AGL: variants seen among roughly 807,000 people sequenced by gnomAD.
AGL encodes the protein glycogen debranching enzyme.
Under a neutral mutation model 199.3 loss-of-function variants are expected in AGL, and 128 were observed. The ratio of observed to expected loss-of-function variants is 0.64; its 90% CI spans 0.56 to 0.74. The LOEUF (loss-of-function observed/expected upper bound fraction) is 0.74, where lower values mean the gene tolerates loss of function less well. Among genes scored for constraint, AGL ranks in the 30% least tolerant of loss-of-function variants. AGL has a pLI of 0.00. For missense variants in AGL, 1,809 were observed against 1,820.8 expected (o/e 0.99, Z 0.12); for synonymous variants, 584 against 594.7 (o/e 0.98, Z 0.26).
rs1434730821 is a variant in AGL, at chr1:99,877,833, A to G, written c.1611+5A>G. On this transcript the variant is annotated splice_donor_5th_base_variant and intron_variant, in intron 12 of 33. Transcript: ENST00000361915. ...ACACCTCTTCACGTAGCTGAGGTAC[A>G]GAAAAACAATTTATCTACATTAAGA... is the stretch of plus-strand genomic sequence containing the variant. 5.6e-6 allele frequency: 9 copies of G among 1,613,548 alleles called. No homozygotes were observed. Among genetic ancestry groups the G allele is most frequent in the Non-Finnish European group, 6.8e-6 (8 of 1,179,538 alleles).
At chr1:99,889,814 A>G (rs1652741167) in intron 21 of AGL, among the ~76,000 whole-genome samples, 1 of 152,086 alleles carries the variant, frequency 6.6e-6, no homozygotes, top group Non-Finnish European at 1.5e-5. Flanking sequence ...TCTTTTCTAA[A>G]TAGAATTGCC....
At position 99,880,716 on chromosome 1, in the gene AGL, C is replaced by A. The variant is rs770242284; in HGVS notation, c.1820C>A (p.Pro607His). 2 of 1,613,846 alleles carry A rather than the reference C, an allele frequency of 1.2e-6. No individual in the cohort carries two copies. Among genetic ancestry groups the A allele is most frequent in the Non-Finnish European group, 1.7e-6 (2 of 1,179,902 alleles). The stretch of plus-strand genomic sequence containing the variant: ...GAACCTGTTGGATCCTTTGTTCAGC[C>A]CTGTTTGAGGCCTTTAATGCCAGCT... The part of the protein sequence containing the change: ...GGEPVGSFVQ[P>H]CLRPLMPAIA... Residue 607 changes from proline (P) to histidine (H), a missense_variant, in exon 14 of 34, where the codon CCC becomes CAC. Coordinates refer to ENST00000361915, the MANE Select transcript of AGL (RefSeq NM_000642.3).
intron 2 of AGL, chr1:99,852,646 G>T: frequency 1.3e-6 from 1 of 766,466 alleles, no homozygotes. Flanking sequence ...AAAGTACTGG[G>T]ATTACAAGCA....
intron 7 of AGL, among the ~76,000 whole-genome samples, chr1:99,874,242 A>G (rs1651283128): frequency 1.9e-5 from 2 of 104,428 alleles, no homozygotes; most frequent in African/African-American, 8.9e-5. Flanking sequence ...GTTCCACTAA[A>G]GTCCTTAAAG....
At position 99,912,428 on chromosome 1, in the gene AGL, T is replaced by A. The variant is rs1403995325; in HGVS notation, c.3860T>A (p.Val1287Glu). 1 of 1,614,052 alleles carries A rather than the reference T, an allele frequency of 6.2e-7. No homozygotes were observed. The highest frequency in any genetic ancestry group is 8.5e-7 in the Non-Finnish European group (1 of 1,179,958). ...AGAGATGGGTCTGCTGTGGAAATTG[T>A]GGGCCTGAGTAAATCTGCTGTTCGC... ...TPRDGSAVEI[V>E]GLSKSAVRWL... The change falls in exon 29 of 34, where the codon GTG becomes GAG. Residue 1287 changes from valine to glutamate, a missense_variant. Physicochemically the swap from Val to Glu is moderately radical, Grantham distance 121. Transcript: ENST00000361915.
chr1:99,852,818 G>A (rs557174794), intron 2 of AGL: 1 of 745,184 alleles, frequency 1.3e-6, no homozygotes, highest in Admixed American at 1.8e-5. Flanking sequence ...GCATTGATAT[G>A]AATCACTCCA....
rs1557789904 is a variant in AGL, at chr1:99,912,506, T to G, written c.3938T>G (p.Val1313Gly). Residue 1313 changes from valine to glycine, a missense_variant, in exon 29 of 34, where the codon GTA becomes GGA. By Grantham distance (109) the Val-to-Gly change is moderately radical. Coordinates refer to ENST00000361915, the MANE Select transcript of AGL (RefSeq NM_000642.3). ...ATTTTCCCTTATCATGAAGTCACAG[T>G]AAAAAGACATGGTAAGCTGGTTATT... is the stretch of plus-strand genomic sequence containing the variant. The part of the protein sequence containing the change: ...KNIFPYHEVT[V>G]KRHGKAIKVS... 6 of 1,608,770 alleles carry G rather than the reference T, an allele frequency of 3.7e-6. No individual in the cohort carries two copies. The highest frequency in any genetic ancestry group is 5.1e-6 in the Non-Finnish European group (6 of 1,175,364).
chr1:99,916,164 C>G (rs537640300), intron 31 of AGL, among the ~76,000 whole-genome samples: 1 of 152,188 alleles, frequency 6.6e-6, no homozygotes, highest in South Asian at 2.1e-4. Context: ...AGGCAAGATA[C>G]CAGAATATTT....
At chr1:99,863,775 G>A (rs997513453) in intron 4 of AGL, among the ~76,000 whole-genome samples, 42 of 123,814 alleles carry the variant, frequency 3.4e-4, no homozygotes, top group Non-Finnish European at 5.0e-4. Flanking sequence ...TTTTAAGACA[G>A]TGTCTCTGTC....
chr1:99,912,829 G>T, intron 29 of AGL, among the ~76,000 whole-genome samples: 1 of 152,140 alleles, frequency 6.6e-6, no homozygotes, highest in East Asian at 1.9e-4. Context: ...TTCTAGAATA[G>T]TGCTGTCCAA....
chr1:99,860,999 C>T (rs977203618), intron 2 of AGL, among the ~76,000 whole-genome samples: 6 of 152,216 alleles, frequency 3.9e-5, no homozygotes, highest in African/African-American at 7.2e-5. Context: ...AGGTTGACTT[C>T]TGTCAGTGAA....
In AGL at chr1:99,900,827, C is replaced by T; in HGVS notation, c.3554C>T (p.Thr1185Ile). 1.2e-6 allele frequency: 2 copies of T among 1,612,820 alleles called. No individual in the cohort carries two copies. Among genetic ancestry groups the T allele is most frequent in the Non-Finnish European group, 8.5e-7 (1 of 1,179,380 alleles). ...TGCCCAGTTTCCAGAATGTATCCTA[C>T]AGATGATTCTGCTCCTTTGCCTGCT... ...LKCPVSRMYP[T>I]DDSAPLPAGT... Residue 1185 changes from threonine to isoleucine, a missense_variant, in exon 26 of 34, where the codon ACA (threonine) becomes ATA (isoleucine). Transcript: ENST00000361915.
rs1655653731 is a variant in AGL, at chr1:99,923,517, T to C, written c.*1866T>C. On this transcript the variant is annotated 3_prime_UTR_variant, in exon 34 of 34. Coordinates refer to ENST00000361915, the MANE Select transcript of AGL (RefSeq NM_000642.3). ...TAAGGCAGATACCCACGTTGGTAAA[T>C]TTTTAGGATATTGTGTTGCACTAGA... 1 of 152,142 alleles carries C rather than the reference T, an allele frequency of 6.6e-6. No individual in the cohort carries two copies. Among genetic ancestry groups the C allele is most frequent in the South Asian group, 2.1e-4 (1 of 4,832 alleles). The allele number at this position is 152,142 out of a possible 1,614,324, so 9.4% of individuals were successfully genotyped here. A position where few individuals can be genotyped will look rare whatever the true frequency, so the allele number is the denominator to read the frequency against.
chr1:99,916,270 G>A, intron 31 of AGL, 140 bp from the exon 32 acceptor site: 1 of 672,624 alleles, frequency 1.5e-6, no homozygotes, highest in Non-Finnish European at 2.6e-6. Context: ...TTAGATGGAT[G>A]ATGTACTAAT....
intron 2 of AGL, among the ~76,000 whole-genome samples, chr1:99,854,704 C>T (rs146647362): frequency 0.015 from 2,217 of 149,668 alleles, 29 homozygotes; most frequent in Middle Eastern, 0.09. Context: ...GCGGAGCTTG[C>T]AGTGAGCTGA....
intron 21 of AGL, among the ~76,000 whole-genome samples, chr1:99,889,693 AC>A (rs1358720104): frequency 1.3e-5 from 2 of 152,196 alleles, no homozygotes; most frequent in Admixed American, 6.5e-5. Flanking sequence ...CTTCTAGTTC[AC>A]TACAAAGACC....
At chr1:99,851,482 A>G (rs899981482) in intron 2 of AGL, among the ~76,000 whole-genome samples, 4 of 152,224 alleles carry the variant, frequency 2.6e-5, no homozygotes, top group African/African-American at 7.2e-5. Context: ...TGCTTTGGGT[A>G]TGCATGTAGT....
At chr1:99,854,681 G>C (rs540233251) in intron 2 of AGL, among the ~76,000 whole-genome samples, 1 of 150,444 alleles carries the variant, frequency 6.6e-6, no homozygotes. Flanking sequence ...GGAGAAAGGC[G>C]TGAACCCAGG....
chr1:99,889,313 G>A (rs773457442), intron 21 of AGL, among the ~76,000 whole-genome samples: 2 of 152,158 alleles, frequency 1.3e-5, no homozygotes, highest in African/African-American at 2.4e-5. Flanking sequence ...AACCAAGCAC[G>A]TAAGCGGTTC....
Sources: gnomAD v4.1 joint callset for allele counts (sites outside exome capture counted in the v4.1 genomes callset) on GRCh38, gnomAD v4.1.1 for gene constraint, MANE v1.5 for transcripts, NCBI Gene and HGNC (gene_info 2026-07-23, HGNC 2026-07-21) for gene names.